Variants in IQCH observed in about 807,000 individuals in gnomAD.
The protein encoded by IQCH is IQ motif containing H.
A neutral mutation model predicts 117.0 loss-of-function variants in IQCH; 98 were observed. That is an observed-to-expected ratio of 0.84 (90% CI 0.71 to 0.99). The LOEUF (loss-of-function observed/expected upper bound fraction) is 0.99. Among genes scored for constraint, IQCH ranks in the 50% least tolerant of loss-of-function variants. The pLI, the probability that IQCH is intolerant of heterozygous loss-of-function variation, is 0.00. For synonymous variants in IQCH, 412 were observed against 448.2 expected (o/e 0.92, Z 1.02); for missense variants, 1,102 against 1,243.8 (o/e 0.89, Z 1.72).
rs1004883385 is a variant in IQCH at position 67,359,325 on chromosome 15, T to C, written c.715-522T>C. Reference sequence around the variant, plus strand: ...TTTCTCTGTTGACTTCACAAAGCTCTCCCCAACTGCTGGAAACAGTAATAT... The same window carrying C: ...TTTCTCTGTTGACTTCACAAAGCTCCCCCCAACTGCTGGAAACAGTAATAT... On this transcript the variant is annotated intron_variant, in intron 7 of 20. Transcript: ENST00000335894. The surrounding 1 kb of genome is among the most constrained non-coding windows in gnomAD (Gnocchi z 4.5). 1.3e-5 allele frequency among the ~76,000 whole-genome samples: 2 copies of C among 152,238 alleles called. No individual in the cohort carries two copies. Among genetic ancestry groups the C allele is most frequent in the Non-Finnish European group, 2.9e-5 (2 of 68,030 alleles).
rs1971053526 is a variant in IQCH, at chr15:67,384,785, C to T, written c.1373-151C>T. ...GTTTAATTCCCCCGAGAAACAAGCA[C>T]CTCATTCTTCGGGATTGGGTTGTTT... On this transcript the variant is annotated intron_variant, in intron 10 of 20. Transcript: ENST00000335894. This position sits in a 1 kb window ranked among gnomAD's most constrained non-coding sequence, Gnocchi z 4.3. The T allele has an allele frequency of 3.3e-6, 2 of 598,588 alleles. No individual in the cohort carries two copies. Among genetic ancestry groups the T allele is most frequent in the Non-Finnish European group, 6.1e-6 (2 of 325,890 alleles). The allele number at this position is 598,588 out of a possible 1,614,324, so 37.1% of individuals were successfully genotyped here. A position where few individuals can be genotyped will look rare whatever the true frequency, so the allele number is the denominator to read the frequency against.
chr15:67,483,431 C>T (rs1309531216), intron 18 of IQCH, among the ~76,000 whole-genome samples: 3 of 152,198 alleles, frequency 2.0e-5, no homozygotes, highest in East Asian at 1.9e-4. Flanking sequence ...GCACAAGAAT[C>T]ATTTGAACCC....
At chr15:67,321,082 A>G (rs138647965) in intron 4 of IQCH, among the ~76,000 whole-genome samples, 83 of 152,324 alleles carry the variant, frequency 5.4e-4, no homozygotes, top group South Asian at 3.5e-3. Context: ...TAACAATTTT[A>G]ATGGAAAATT....
chr15:67,256,599 C>T (rs1200092379), intron 1 of IQCH, among the ~76,000 whole-genome samples: 1 of 152,170 alleles, frequency 6.6e-6, no homozygotes, highest in Non-Finnish European at 1.5e-5. Context: ...GAAGACTGGA[C>T]CCCTCTTTGG....
chr15:67,326,234 T>C (rs2140621605), intron 4 of IQCH, among the ~76,000 whole-genome samples: 1 of 152,316 alleles, frequency 6.6e-6, no homozygotes, highest in Non-Finnish European at 1.5e-5. Flanking sequence ...TTTTTGTCCT[T>C]GCGATAGTTT....
chr15:67,319,568 T>G lies in IQCH; in HGVS notation c.388-17407T>G, dbSNP rs117029043. The stretch of plus-strand genomic sequence containing the variant: ...TGAAAAGTAGACCAGGTGAAACTGT[T>G]TTCTGTACTGATTGTGGAAATAAAG... On this transcript the variant is annotated intron_variant, in intron 4 of 20. Transcript: ENST00000335894. Among the ~76,000 whole-genome samples the G allele has an allele frequency of 1.6e-3, 246 of 152,352 alleles. 1 individual carries two copies. Among genetic ancestry groups the G allele is most frequent in the Non-Finnish European group, 2.7e-3 (185 of 68,028 alleles).
intron 10 of IQCH, among the ~76,000 whole-genome samples, chr15:67,383,824 TGCAAA>T (rs1196342829): frequency 1.3e-5 from 2 of 152,182 alleles, no homozygotes; most frequent in Non-Finnish European, 2.9e-5. Context: ...TAAGTCCAGA[TGCAAA>T]GCAAAGAGAG....
intron 4 of IQCH, among the ~76,000 whole-genome samples, chr15:67,290,959 C>T (rs1966730211): frequency 6.6e-6 from 1 of 152,052 alleles, no homozygotes; most frequent in Admixed American, 6.6e-5. Flanking sequence ...GGGCCAGGAA[C>T]ACTAAACTTT....
rs548793223 is a variant in IQCH at position 67,449,967 on chromosome 15, A to G, written c.2506-15160A>G. ...TCCCTTGTAAGTTGGATTCCTAGGT[A>G]TTTTATTCTCTTTGAAGCAATTGTG... is the stretch of plus-strand genomic sequence containing the variant. On this transcript the variant is annotated intron_variant, in intron 16 of 20. Coordinates refer to ENST00000335894, the MANE Select transcript of IQCH (RefSeq NM_001031715.3). Among the ~76,000 whole-genome samples the G allele has an allele frequency of 8.6e-4, 131 of 152,040 alleles. No individual in the cohort carries two copies. In the East Asian group the frequency reaches 0.023, roughly 27 times the overall value.
At chr15:67,315,562 A>G (rs11635391) in intron 4 of IQCH, among the ~76,000 whole-genome samples, 20,404 of 152,108 alleles carry the variant, frequency 0.13, 1,568 homozygotes, top group Admixed American at 0.17. Context: ...AAACTTCAGT[A>G]TAGAGAAATT....
intron 16 of IQCH, among the ~76,000 whole-genome samples, chr15:67,429,147 T>G (rs911564397): frequency 6.6e-6 from 1 of 152,204 alleles, no homozygotes; most frequent in African/African-American, 2.4e-5. Context: ...TGTGGCAATT[T>G]GTTGCAGCAG....
intron 4 of IQCH, among the ~76,000 whole-genome samples, chr15:67,329,463 AT>A (rs1024994193): frequency 3.9e-5 from 6 of 152,062 alleles, no homozygotes; most frequent in African/African-American, 1.4e-4. Flanking sequence ...GTAAAATAGG[AT>A]TTTATAAATT....
In IQCH at chr15:67,372,434, A is replaced by C. The variant is rs1378254227; in HGVS notation, c.1077A>C (p.Pro359=). ...PAHVQMLINL[P]GQRYKGQDGN... ...ATGTCCAAATGCTGATAAATCTTCC[A>C]GGGCAAAGGTACAAGGGCCAAGATG... Residue 359 remains proline, a synonymous_variant, in exon 9 of 21, where the codon CCA becomes CCC. Transcript: ENST00000335894. 6.2e-7 allele frequency: 1 copy of C among 1,613,970 alleles called. No homozygotes were observed. The highest frequency in any genetic ancestry group is 8.5e-7 in the Non-Finnish European group (1 of 1,179,990).
At chr15:67,414,901 C>T (rs1344386433) in intron 14 of IQCH, among the ~76,000 whole-genome samples, 1 of 152,042 alleles carries the variant, frequency 6.6e-6, no homozygotes, top group African/African-American at 2.4e-5. Flanking sequence ...AAGCAATTCC[C>T]ACTTGTCTGA....
At chr15:67,460,542 A>G (rs900694740) in intron 16 of IQCH, among the ~76,000 whole-genome samples, 14 of 152,342 alleles carry the variant, frequency 9.2e-5, no homozygotes, top group Non-Finnish European at 2.1e-4. Flanking sequence ...GTTGGACAGC[A>G]AGTGTTTCAG....
Position 67,493,632 on chromosome 15 carries a change from G to A in IQCH, c.2862-626G>A, listed in dbSNP as rs1349325979. On this transcript the variant is annotated intron_variant, in intron 19 of 20. Coordinates refer to ENST00000335894, the MANE Select transcript of IQCH (RefSeq NM_001031715.3). This position sits in a 1 kb window ranked among gnomAD's most constrained non-coding sequence, Gnocchi z 5.1. ...TCATTCGGCAAGGATCACACTTAGC[G>A]ACAGTTCTCCTAAAGTAACTTAAAC... 2.0e-5 allele frequency among the ~76,000 whole-genome samples: 3 copies of A among 152,110 alleles called. No individual in the cohort carries two copies. Among genetic ancestry groups the A allele is most frequent in the East Asian group, 1.9e-4 (1 of 5,198 alleles).
intron 15 of IQCH, among the ~76,000 whole-genome samples, chr15:67,418,577 CTTT>C (rs1174414517): frequency 1.9e-5 from 2 of 103,400 alleles, no homozygotes; most frequent in Admixed American, 1.1e-4. Flanking sequence ...GGTGTTTTTA[CTTT>C]TTTTTTTTTT....
chr15:67,321,999 C>T (rs1968157735), intron 4 of IQCH, among the ~76,000 whole-genome samples: 1 of 152,184 alleles, frequency 6.6e-6, no homozygotes, highest in South Asian at 2.1e-4. Context: ...TGATGATTTT[C>T]AGCACATACT....
Position 67,413,093 on chromosome 15 carries a change from G to C in IQCH, c.2098-3838G>C, listed in dbSNP as rs1235760761. On this transcript the variant is annotated intron_variant, in intron 14 of 20. Coordinates refer to ENST00000335894, the MANE Select transcript of IQCH (RefSeq NM_001031715.3). The surrounding 1 kb of genome is among the most constrained non-coding windows in gnomAD (Gnocchi z 5.0). ...AAGGTGTGTGTGTGTGTGTGTGTGT[G>C]TGTGTGTCTGTGTGTACATAAGTTT... is the stretch of plus-strand genomic sequence containing the variant. Among the ~76,000 whole-genome samples, 1 of 152,014 alleles carries C rather than the reference G, an allele frequency of 6.6e-6. No homozygotes were observed. Among genetic ancestry groups the C allele is most frequent in the Non-Finnish European group, 1.5e-5 (1 of 68,004 alleles).
Sources: gnomAD v4.1 joint callset for allele counts (sites outside exome capture counted in the v4.1 genomes callset) on GRCh38, gnomAD v4.1.1 for gene constraint, Gnocchi (gnomAD v3.1) non-coding constraint, MANE v1.5 for transcripts, NCBI Gene and HGNC (gene_info 2026-07-23, HGNC 2026-07-21) for gene names.